TMEM123: variants seen among roughly 807,000 people sequenced by gnomAD.
TMEM123 encodes the protein porimin.
In TMEM123, 16 loss-of-function variants were observed where a neutral mutation model predicts 19.7. The observed-to-expected ratio is 0.81, with a 90% confidence interval of 0.55 to 1.23. The LOEUF (loss-of-function observed/expected upper bound fraction) is 1.23, where lower values mean the gene tolerates loss of function less well. Among genes scored for constraint, TMEM123 ranks in the 50% most tolerant of loss-of-function variants. The pLI, the probability that TMEM123 is intolerant of heterozygous loss-of-function variation, is 0.00. For missense variants in TMEM123, 313 were observed against 257.8 expected, an observed-to-expected ratio of 1.21 and a Z score of -1.47; for synonymous variants, 118 against 99.4, an observed-to-expected ratio of 1.19 and a Z score of -1.12.
In TMEM123 at chr11:102,396,623, T is replaced by G. The variant is rs1267134298; in HGVS notation, c.*2244A>C. ...AAGGAATGCAAGCAAAACTGAGCAT[T>G]TTTTTTATGCTTAAGAAATATGGTC... On this transcript the variant is annotated 3_prime_UTR_variant, in exon 5 of 5. Coordinates refer to ENST00000398136, the MANE Select transcript of TMEM123 (RefSeq NM_052932.3). The G allele has an allele frequency of 6.6e-6, 1 of 152,110 alleles. No homozygotes were observed. Among genetic ancestry groups the G allele is most frequent in the Non-Finnish European group, 1.5e-5 (1 of 68,006 alleles). 9.4% of individuals were successfully genotyped at this position (152,110 alleles called of 1,614,324 possible).
intron 2 of TMEM123, among the ~76,000 whole-genome samples, chr11:102,415,638 C>T (rs1952038329): frequency 6.6e-6 from 1 of 152,078 alleles, no homozygotes; most frequent in South Asian, 2.1e-4. Flanking sequence ...GAAAACAAAG[C>T]CACAACATAT....
At chr11:102,438,775 G>A (rs999379190) in intron 2 of TMEM123, among the ~76,000 whole-genome samples, 22 of 152,336 alleles carry the variant, frequency 1.4e-4, no homozygotes, top group East Asian at 1.2e-3. Context: ...AGCGTAAGCC[G>A]AAGCAGGGCA....
At chr11:102,446,277 G>T (rs961979557) in intron 2 of TMEM123, among the ~76,000 whole-genome samples, 3 of 152,156 alleles carry the variant, frequency 2.0e-5, no homozygotes, top group Admixed American at 2.0e-4. Flanking sequence ...ATGAAATAAG[G>T]GGAAATTATT....
chr11:102,438,568 T>C (rs146825638), intron 2 of TMEM123, among the ~76,000 whole-genome samples: 2 of 152,364 alleles, frequency 1.3e-5, no homozygotes, highest in East Asian at 3.9e-4. Flanking sequence ...ATTATTTTCC[T>C]ACATTTCATT....
intron 1 of TMEM123, among the ~76,000 whole-genome samples, chr11:102,450,882 C>T (rs879638522): frequency 7.2e-5 from 11 of 152,190 alleles, no homozygotes; most frequent in Non-Finnish European, 1.3e-4. Flanking sequence ...CACTATACTT[C>T]GTAATGACAT....
intron 2 of TMEM123, among the ~76,000 whole-genome samples, chr11:102,405,988 T>TA (rs1395104373): frequency 6.6e-6 from 1 of 152,216 alleles, no homozygotes; most frequent in Non-Finnish European, 1.5e-5. Context: ...CTGTAATAAG[T>TA]AAATAGTCAC....
At position 102,396,521 on chromosome 11, in the gene TMEM123, G is replaced by GA. The variant is rs1951857030; in HGVS notation, c.*2345dup. 1 of 152,076 alleles carries GA rather than the reference G, an allele frequency of 6.6e-6. No homozygotes were observed. Among genetic ancestry groups the GA allele is most frequent in the Non-Finnish European group, 1.5e-5 (1 of 68,026 alleles). 9.4% of individuals were successfully genotyped at this position (152,076 alleles called of 1,614,324 possible). ...TTATTCCTTTCATGGATTATTCAAG[G>GA]AAATTTTAAAATTGGCTTCTGCCTA... On this transcript the variant is annotated 3_prime_UTR_variant, in exon 5 of 5. Coordinates refer to ENST00000398136, the MANE Select transcript of TMEM123 (RefSeq NM_052932.3).
chr11:102,450,599 G>T (rs1298401683), intron 1 of TMEM123, among the ~76,000 whole-genome samples: 1 of 152,128 alleles, frequency 6.6e-6, no homozygotes, highest in Non-Finnish European at 1.5e-5. Flanking sequence ...GTAATACTGT[G>T]GAATAAAAGT....
intron 2 of TMEM123, among the ~76,000 whole-genome samples, chr11:102,443,459 T>A (rs1857848118): frequency 6.6e-6 from 1 of 152,138 alleles, no homozygotes; most frequent in African/African-American, 2.4e-5. Flanking sequence ...GATTCCCTAT[T>A]TAATAAATGG....
At position 102,398,273 on chromosome 11, in the gene TMEM123, T is replaced by C. The variant is rs1459912769; in HGVS notation, c.*594A>G. 1.9e-5 allele frequency: 5 copies of C among 260,980 alleles called. No homozygotes were observed. In the East Asian group the frequency reaches 3.4e-4, roughly 18 times the overall value. 16.2% of individuals were successfully genotyped at this position (260,980 alleles called of 1,614,324 possible). On this transcript the variant is annotated 3_prime_UTR_variant, in exon 5 of 5. Transcript: ENST00000398136. ...AACAGGGCTAAGCAAAGCTATTATT[T>C]TGGGTTTTATTTGAAAATTTTCTTT...
At chr11:102,426,604 T>C (rs1385573792) in intron 2 of TMEM123, among the ~76,000 whole-genome samples, 1 of 152,148 alleles carries the variant, frequency 6.6e-6, no homozygotes, top group Non-Finnish European at 1.5e-5. Context: ...CTTAAAACCC[T>C]TGAGTGGAAA....
chr11:102,431,183 T>C (rs1857701415), intron 2 of TMEM123, among the ~76,000 whole-genome samples: 2 of 152,272 alleles, frequency 1.3e-5, no homozygotes, highest in South Asian at 2.1e-4. Context: ...AAAAAAACTG[T>C]ATTTATGGTG....
intron 2 of TMEM123, among the ~76,000 whole-genome samples, chr11:102,437,670 C>T (rs1215073211): frequency 2.0e-5 from 3 of 152,114 alleles, no homozygotes; most frequent in South Asian, 4.2e-4. Context: ...CTTGAGAGTA[C>T]AGGGTGTATG....
chr11:102,427,065 G>T (rs1377959957), intron 2 of TMEM123, among the ~76,000 whole-genome samples: 4 of 150,298 alleles, frequency 2.7e-5, no homozygotes, highest in Non-Finnish European at 5.9e-5. Context: ...TTTGTTTTGC[G>T]GGTTTTTTTT....
intron 2 of TMEM123, among the ~76,000 whole-genome samples, chr11:102,407,371 A>C (rs1951964851): frequency 6.6e-6 from 1 of 152,012 alleles, no homozygotes; most frequent in Non-Finnish European, 1.5e-5. Flanking sequence ...TATCTATAAC[A>C]CCTCAGCTAG....
chr11:102,401,696 GAAC>G lies in TMEM123; in HGVS notation c.449-7_449-5del. The G allele has an allele frequency of 6.4e-7, 1 of 1,567,188 alleles. No individual in the cohort carries two copies. The highest frequency in any genetic ancestry group is 8.6e-7 in the Non-Finnish European group (1 of 1,168,060). On this transcript the variant is annotated splice_polypyrimidine_tract_variant and splice_region_variant and intron_variant, in intron 3 of 4. Transcript: ENST00000398136. The stretch of plus-strand genomic sequence containing the variant: ...TCAGAATGCATAGTTGTTGTGACTA[GAAC>G]AAAAGAAAACAAAAAAGGGCTTTAG...
chr11:102,447,829 GAAAC>G (rs1437299565), intron 2 of TMEM123, among the ~76,000 whole-genome samples: 5 of 152,098 alleles, frequency 3.3e-5, no homozygotes, highest in Non-Finnish European at 7.3e-5. Flanking sequence ...CAGAGATAAT[GAAAC>G]AAAGAACAGC....
chr11:102,400,569 T>G (rs56391674), intron 4 of TMEM123, among the ~76,000 whole-genome samples: 9,616 of 152,306 alleles, frequency 0.063, 427 homozygotes, highest in Non-Finnish European at 0.1. Flanking sequence ...AAAAAGTGAA[T>G]TAGCTCTTAC....
In TMEM123 at chr11:102,398,871, A is replaced by G; in HGVS notation, c.623T>C (p.Ile208Thr). ...ATCCTTGGTCCATGGATTTCCTTAAATGATGGCATCATGTTCATCTCTGTA... is the reference window on the plus strand; with the variant it reads ...ATCCTTGGTCCATGGATTTCCTTAAGTGATGGCATCATGTTCATCTCTGTA... ...YRTIDEHDAI[I>T] Residue 208 changes from isoleucine (I) to threonine (T), a missense_variant, in exon 5 of 5, where the codon ATT (isoleucine) becomes ACT (threonine). By Grantham distance (89) the Ile-to-Thr change is moderately conservative. Transcript: ENST00000398136. 6.2e-7 allele frequency: 1 copy of G among 1,611,852 alleles called. No homozygotes were observed. Among genetic ancestry groups the G allele is most frequent in the Non-Finnish European group, 8.5e-7 (1 of 1,179,404 alleles).
Sources: gnomAD v4.1 joint callset for allele counts (sites outside exome capture counted in the v4.1 genomes callset) on GRCh38, gnomAD v4.1.1 for gene constraint, MANE v1.5 for transcripts, NCBI Gene and HGNC (gene_info 2026-07-23, HGNC 2026-07-21) for gene names.